IQSEC1: variants seen among roughly 807,000 people sequenced by gnomAD.
The protein encoded by IQSEC1 is IQ motif and SEC7 domain-containing protein 1.
In IQSEC1, 31 loss-of-function variants were observed where a neutral mutation model predicts 91.0. The observed-to-expected ratio is 0.34, with a 90% confidence interval of 0.26 to 0.46. The LOEUF is 0.46. Ranked by LOEUF, IQSEC1 falls within the 20% of genes least tolerant of loss-of-function variation. The probability of loss-of-function intolerance (pLI) is 1.00; values close to 1 mark genes in which losing one functional copy is unlikely to be tolerated. For synonymous variants in IQSEC1, 699 were observed against 662.6 expected, an observed-to-expected ratio of 1.05 and a Z score of -0.84; for missense variants, 1,388 against 1,575.6, an observed-to-expected ratio of 0.88 and a Z score of 2.02.
At chr3:13,159,497 C>A (rs530158386) in intron 2 of IQSEC1, among the ~76,000 whole-genome samples, 5 of 152,266 alleles carry the variant, frequency 3.3e-5, no homozygotes, top group African/African-American at 1.2e-4. Context: ...TAGGGCCTGG[C>A]AATCTGTATT....
At chr3:13,040,800 A>G (rs1168108840) in intron 1 of IQSEC1, among the ~76,000 whole-genome samples, 1 of 152,160 alleles carries the variant, frequency 6.6e-6, no homozygotes, top group Admixed American at 6.5e-5. Flanking sequence ...TCCTCCAGAC[A>G]CTTTACCACC....
chr3:13,162,834 G>C, intron 2 of IQSEC1, among the ~76,000 whole-genome samples: 1 of 152,106 alleles, frequency 6.6e-6, no homozygotes, highest in East Asian at 1.9e-4. Context: ...CAGGCTGCAA[G>C]GGGCCTGCTG....
intron 3 of IQSEC1, among the ~76,000 whole-genome samples, chr3:12,933,269 C>T (rs552239475): frequency 6.6e-6 from 1 of 152,312 alleles, no homozygotes; most frequent in East Asian, 1.9e-4. Flanking sequence ...TAGAGGCCTG[C>T]CAGGTGTGTG....
chr3:13,193,356 G>A lies in IQSEC1; in HGVS notation c.273-29223C>T, dbSNP rs1694068988. 2.0e-5 allele frequency among the ~76,000 whole-genome samples: 3 copies of A among 152,342 alleles called. No individual in the cohort carries two copies. The South Asian group carries it at 6.2e-4, about 32-fold the overall frequency. ...ATTCTGAATACATATTTGGGGGTGGGAGGTCTGAAATCCACCAGTGAGTTT... is the reference window on the plus strand; with the variant it reads ...ATTCTGAATACATATTTGGGGGTGGAAGGTCTGAAATCCACCAGTGAGTTT... On this transcript the variant is annotated intron_variant, in intron 1 of 15. Transcript: ENST00000648114. The surrounding 1 kb of genome is among the most constrained non-coding windows in gnomAD (Gnocchi z 4.2).
intron 1 of IQSEC1, among the ~76,000 whole-genome samples, chr3:13,036,385 A>G (rs1362366999): frequency 3.3e-5 from 5 of 152,370 alleles, no homozygotes; most frequent in Non-Finnish European, 4.4e-5. Flanking sequence ...GAGGATTAAC[A>G]GAGATACCAC....
chr3:12,913,600 A>G, intron 8 of IQSEC1, 47 bp from the exon 9 acceptor site: 1 of 1,574,838 alleles, frequency 6.3e-7, no homozygotes. Flanking sequence ...GCTCTCCTCT[A>G]GGAGCCCTGG....
chr3:12,906,196 C>T (rs1694962478), intron 12 of IQSEC1, among the ~76,000 whole-genome samples: 1 of 152,202 alleles, frequency 6.6e-6, no homozygotes. Context: ...GTCTCCTGCC[C>T]CAGGAGCAGT....
intron 1 of IQSEC1, among the ~76,000 whole-genome samples, chr3:12,947,483 C>T (rs1699261075): frequency 6.6e-6 from 1 of 151,988 alleles, no homozygotes; most frequent in Non-Finnish European, 1.5e-5. Flanking sequence ...CCCCGGGGAT[C>T]ACCTGATCTC....
chr3:12,957,379 G>A (rs2125456711), intron 1 of IQSEC1, among the ~76,000 whole-genome samples: 2 of 152,328 alleles, frequency 1.3e-5, no homozygotes, highest in East Asian at 3.9e-4. Flanking sequence ...GAGATGACCA[G>A]AAGCTTCCAA....
chr3:12,927,785 C>T (rs1697291390), intron 3 of IQSEC1, among the ~76,000 whole-genome samples: 1 of 152,210 alleles, frequency 6.6e-6, no homozygotes, highest in Admixed American at 6.5e-5. Context: ...AGCTGAGAGG[C>T]CTAGTCTGTG....
intron 1 of IQSEC1, among the ~76,000 whole-genome samples, chr3:12,948,480 G>A (rs886564098): frequency 6.6e-6 from 1 of 152,222 alleles, no homozygotes; most frequent in Non-Finnish European, 1.5e-5. Flanking sequence ...GAGAAAGGCA[G>A]ACAGTCCAAC....
intron 2 of IQSEC1, among the ~76,000 whole-genome samples, chr3:13,100,969 C>T (rs368163127): frequency 7.0e-6 from 1 of 143,190 alleles, no homozygotes; most frequent in African/African-American, 2.7e-5. Context: ...ACGAGGCCTG[C>T]CATGGGAGGA....
intron 1 of IQSEC1, 133 bp from the exon 2 acceptor site, chr3:12,941,998 TC>T: frequency 1.2e-6 from 1 of 811,342 alleles, no homozygotes; most frequent in Non-Finnish European, 1.9e-6. Context: ...CATGGCTGAG[TC>T]CACATGTGCA....
At chr3:13,033,867 A>C (rs1576194839) in intron 1 of IQSEC1, among the ~76,000 whole-genome samples, 1 of 152,134 alleles carries the variant, frequency 6.6e-6, no homozygotes, top group East Asian at 1.9e-4. Flanking sequence ...TTTCATCCAG[A>C]AACACCCCAC....
intron 2 of IQSEC1, among the ~76,000 whole-genome samples, chr3:13,110,980 G>A (rs764404186): frequency 1.3e-5 from 2 of 152,196 alleles, no homozygotes; most frequent in Non-Finnish European, 2.9e-5. Context: ...AAACAGGGTG[G>A]TTGGAGGAGC....
chr3:13,170,587 G>A (rs1212861181), intron 1 of IQSEC1, among the ~76,000 whole-genome samples: 1 of 152,240 alleles, frequency 6.6e-6, no homozygotes, highest in Non-Finnish European at 1.5e-5. Context: ...AAAACCACAG[G>A]GACGGAGCTT....
At chr3:13,275,653 C>A (rs1487477148) in intron 1 of IQSEC1, among the ~76,000 whole-genome samples, 3 of 152,252 alleles carry the variant, frequency 2.0e-5, no homozygotes, top group Non-Finnish European at 4.4e-5. Context: ...TGGTCACTCG[C>A]TTCGTGCTCT....
chr3:13,136,144 T>G (rs1285349591), intron 2 of IQSEC1, among the ~76,000 whole-genome samples: 2 of 152,152 alleles, frequency 1.3e-5, no homozygotes, highest in Non-Finnish European at 2.9e-5. Flanking sequence ...GAATAGAAAC[T>G]TGGCTGAGGG....
intron 1 of IQSEC1, chr3:13,022,155 A>G: frequency 8.1e-7 from 1 of 1,231,644 alleles, no homozygotes; most frequent in Non-Finnish European, 1.0e-6. Flanking sequence ...CTGCCCCACC[A>G]CCCAGAGTCT....
Sources: allele counts gnomAD v4.1 joint callset (sites outside exome capture counted in the v4.1 genomes callset), GRCh38; gene constraint gnomAD v4.1.1; non-coding constraint Gnocchi (gnomAD v3.1); transcripts MANE v1.5; gene names NCBI Gene and HGNC (gene_info 2026-07-23, HGNC 2026-07-21).